ZFHX3: variants seen among roughly 807,000 people sequenced by gnomAD.
The protein encoded by ZFHX3 is zinc finger homeobox protein 3.
A neutral mutation model predicts 279.1 loss-of-function variants in ZFHX3; 42 were observed. That is an observed-to-expected ratio of 0.15 (90% CI 0.12 to 0.19). ZFHX3 has a LOEUF of 0.19. Ranked by LOEUF, ZFHX3 falls within the 10% of genes least tolerant of loss-of-function variation. ZFHX3 has a pLI of 1.00. For synonymous variants in ZFHX3, 2,293 were observed against 1,957.8 expected (o/e 1.17, Z -4.52); for missense variants, 4,981 against 4,754.0 (o/e 1.05, Z -1.40).
rs1231841644 is a variant in ZFHX3 at position 72,816,622 on chromosome 16, T to C, written c.3530-4584A>G. 2.6e-5 allele frequency among the ~76,000 whole-genome samples: 4 copies of C among 152,138 alleles called. No individual in the cohort carries two copies. The East Asian group carries it at 7.7e-4, about 29-fold the overall frequency. ...ATGAGGCACAGGAAAGACTAGCATG[T>C]CCCTGTTATGGAGTTCAGAAAATTC... On this transcript the variant is annotated intron_variant, in intron 5 of 9. Coordinates refer to ENST00000268489, the MANE Select transcript of ZFHX3 (RefSeq NM_006885.4).
At chr16:73,565,168 C>T (rs528349202) in intron 2 of ZFHX3, among the ~76,000 whole-genome samples, 8 of 151,950 alleles carry the variant, frequency 5.3e-5, no homozygotes, top group South Asian at 4.2e-4. Flanking sequence ...ACAGGAGAAT[C>T]GCTTAAACTC....
chr16:73,542,725 A>C (rs556976862), intron 2 of ZFHX3, among the ~76,000 whole-genome samples: 11 of 152,280 alleles, frequency 7.2e-5, no homozygotes, highest in African/African-American at 2.6e-4. Flanking sequence ...ACAATGCACA[A>C]TTTTTTTAGG....
intron 1 of ZFHX3, among the ~76,000 whole-genome samples, chr16:73,780,723 C>T (rs937208808): frequency 4.6e-5 from 7 of 152,212 alleles, no homozygotes; most frequent in South Asian, 2.1e-4. Flanking sequence ...ATTACAGGCA[C>T]GAGCCACTGT....
At chr16:73,222,172 G>C (rs1231982031) in intron 5 of ZFHX3, among the ~76,000 whole-genome samples, 2 of 151,984 alleles carry the variant, frequency 1.3e-5, no homozygotes, top group Non-Finnish European at 2.9e-5. Context: ...AAGATACTAA[G>C]TGTGAATAAT....
intron 5 of ZFHX3, among the ~76,000 whole-genome samples, chr16:73,235,627 C>G (rs893710598): frequency 6.6e-6 from 1 of 152,036 alleles, no homozygotes; most frequent in Non-Finnish European, 1.5e-5. Flanking sequence ...TGATCTTCCA[C>G]TGTTCCAAGA....
intron 5 of ZFHX3, among the ~76,000 whole-genome samples, chr16:73,253,031 A>G (rs1225942517): frequency 6.6e-6 from 1 of 152,196 alleles, no homozygotes; most frequent in Non-Finnish European, 1.5e-5. Context: ...GGATTCACCC[A>G]GCATTCATTG....
chr16:73,535,049 G>T (rs916215331), intron 2 of ZFHX3, among the ~76,000 whole-genome samples: 1 of 151,804 alleles, frequency 6.6e-6, no homozygotes, highest in African/African-American at 2.4e-5. Context: ...AAAAAAAAAA[G>T]CAAAAAACTT....
At chr16:73,083,117 C>T (rs111479702) in intron 8 of ZFHX3, among the ~76,000 whole-genome samples, 13 of 152,068 alleles carry the variant, frequency 8.5e-5, no homozygotes, top group African/African-American at 3.1e-4. Flanking sequence ...GCAGGAGGAT[C>T]ACTTGAACCC....
At chr16:73,774,744 T>A (rs1351271721) in intron 1 of ZFHX3, among the ~76,000 whole-genome samples, 1 of 152,074 alleles carries the variant, frequency 6.6e-6, no homozygotes, top group Non-Finnish European at 1.5e-5. Flanking sequence ...CAGACAACGG[T>A]GGTTTTCTTA....
At chr16:72,974,872 G>A (rs1962278052) in intron 1 of ZFHX3, among the ~76,000 whole-genome samples, 1 of 152,178 alleles carries the variant, frequency 6.6e-6, no homozygotes, top group Non-Finnish European at 1.5e-5. Context: ...CCTATCTGGT[G>A]GAGGCATGCT....
chr16:73,489,133 C>T (rs1368768055), intron 2 of ZFHX3, among the ~76,000 whole-genome samples: 1 of 152,086 alleles, frequency 6.6e-6, no homozygotes, highest in African/African-American at 2.4e-5. Context: ...CAGTACCTTC[C>T]GTGATACCTA....
At chr16:73,774,571 AC>A (rs1313042035) in intron 1 of ZFHX3, among the ~76,000 whole-genome samples, 1 of 152,204 alleles carries the variant, frequency 6.6e-6, no homozygotes, top group Non-Finnish European at 1.5e-5. Flanking sequence ...ATCCTAAGTA[AC>A]AAATATGCTT....
intron 2 of ZFHX3, among the ~76,000 whole-genome samples, chr16:73,606,914 G>T (rs1567531763): frequency 6.6e-6 from 1 of 152,250 alleles, no homozygotes; most frequent in African/African-American, 2.4e-5. Context: ...ATAAGAACTC[G>T]GCTGGGCACA....
chr16:73,098,257 A>G (rs1405903910), intron 7 of ZFHX3, among the ~76,000 whole-genome samples: 1 of 151,974 alleles, frequency 6.6e-6, no homozygotes, highest in African/African-American at 2.4e-5. Flanking sequence ...TTTAGTAGAG[A>G]CAGGGTTTCA....
At chr16:73,461,354 A>T (rs921999218) in intron 2 of ZFHX3, among the ~76,000 whole-genome samples, 9 of 152,098 alleles carry the variant, frequency 5.9e-5, no homozygotes, top group African/African-American at 2.2e-4. Context: ...TCTATAGCTT[A>T]TCTTTTTGTT....
At chr16:73,101,310 C>G (rs539086757) in intron 7 of ZFHX3, among the ~76,000 whole-genome samples, 17 of 152,338 alleles carry the variant, frequency 1.1e-4, no homozygotes, top group African/African-American at 4.1e-4. Flanking sequence ...GGGCTTCAGA[C>G]TCCTCAGCAT....
At chr16:73,078,672 T>G (rs372768123) in intron 8 of ZFHX3, among the ~76,000 whole-genome samples, 1 of 147,358 alleles carries the variant, frequency 6.8e-6, no homozygotes, top group Non-Finnish European at 1.5e-5. Context: ...TGAGATGGAG[T>G]CTTGCTCTGT....
chr16:73,038,479 A>C (rs1485095075), intron 1 of ZFHX3, among the ~76,000 whole-genome samples: 2 of 152,232 alleles, frequency 1.3e-5, no homozygotes, highest in Admixed American at 1.3e-4. Context: ...TCTGAGAACT[A>C]AGCCATCCAA....
chr16:73,097,388 C>G (rs1339430527), intron 7 of ZFHX3, among the ~76,000 whole-genome samples: 3 of 152,074 alleles, frequency 2.0e-5, no homozygotes, highest in Non-Finnish European at 4.4e-5. Context: ...TCTTTCTGGA[C>G]AGTTTGAATA....
Sources: gnomAD v4.1 joint callset for allele counts (sites outside exome capture counted in the v4.1 genomes callset) on GRCh38, gnomAD v4.1.1 for gene constraint, MANE v1.5 for transcripts, NCBI Gene and HGNC (gene_info 2026-07-23, HGNC 2026-07-21) for gene names.